The following PPFIBP1 variants were observed in gnomAD, a reference collection of about 807,000 sequenced individuals.
PPFIBP1 encodes the protein PPFIB scaffold protein 1.
PPFIBP1 carries 112 observed loss-of-function variants against 137.8 expected under a neutral mutation model. That is an observed-to-expected ratio of 0.81 (90% CI 0.70 to 0.95). The LOEUF is 0.95. PPFIBP1 is among the 40% of genes least tolerant of loss of function. The pLI, the probability that PPFIBP1 is intolerant of heterozygous loss-of-function variation, is 0.00. For missense variants in PPFIBP1, 1,083 were observed against 1,196.6 expected (o/e 0.91, Z 1.40); for synonymous variants, 378 against 417.3 (o/e 0.91, Z 1.15).
intron 7 of PPFIBP1, 105 bp from the exon 8 acceptor site, chr12:27,654,617 C>G (rs1191449523): frequency 1.4e-6 from 2 of 1,389,034 alleles, no homozygotes; most frequent in Non-Finnish European, 1.9e-6. Flanking sequence ...ACAACTTTAA[C>G]CCTAGGAGCT....
rs566190677 is a variant in PPFIBP1, at chr12:27,577,290, G to A, written c.-123-862G>A. Among the ~76,000 whole-genome samples, 8 of 151,440 alleles carry A rather than the reference G, an allele frequency of 5.3e-5. No homozygotes were observed. The South Asian group carries it at 1.7e-3, about 32-fold the overall frequency. ...TTGCAACCTTGGAGCTGATCCTTTT[G>A]CTTCCCTACTTGATTAAACATCTGG... On this transcript the variant is annotated intron_variant, in intron 1 of 29. Transcript: ENST00000228425.
chr12:27,568,811 C>A (rs1220568272), intron 1 of PPFIBP1, among the ~76,000 whole-genome samples: 1 of 152,178 alleles, frequency 6.6e-6, no homozygotes, highest in Admixed American at 6.5e-5. Context: ...GGGATTTTTA[C>A]TAAACTTTCT....
chr12:27,645,559 G>C (rs1033577321), intron 4 of PPFIBP1, among the ~76,000 whole-genome samples: 2 of 152,164 alleles, frequency 1.3e-5, no homozygotes, highest in East Asian at 3.8e-4. Context: ...CTCTGCCCTG[G>C]AATAGAAGGT....
chr12:27,552,814 G>A (rs1372806853), intron 1 of PPFIBP1: 2 of 152,224 alleles, frequency 1.3e-5, no homozygotes, highest in South Asian at 2.1e-4. Flanking sequence ...GGCATTTATA[G>A]CCAAGGAGCA....
intron 5 of PPFIBP1, 103 bp from the exon 6 acceptor site, chr12:27,647,626 G>T: frequency 2.9e-6 from 2 of 684,520 alleles, no homozygotes; most frequent in Non-Finnish European, 2.4e-6. Context: ...ATAACCGTAT[G>T]AATGGTAGGA....
intron 1 of PPFIBP1, among the ~76,000 whole-genome samples, chr12:27,569,964 AAATT>A (rs1397350532): frequency 2.0e-5 from 3 of 152,182 alleles, no homozygotes; most frequent in African/African-American, 7.2e-5. Flanking sequence ...TGACTTCCCC[AAATT>A]AATTAAACCA....
Position 27,596,888 on chromosome 12 carries a change from A to G in PPFIBP1, c.-36+18649A>G, listed in dbSNP as rs2053373958. Reference sequence around the variant, plus strand: ...ATAAACCCAGAACCTAGATTCAAACATAGCCAGATTCAAACATAGGTAGTC... The same window carrying G: ...ATAAACCCAGAACCTAGATTCAAACGTAGCCAGATTCAAACATAGGTAGTC... On this transcript the variant is annotated intron_variant, in intron 2 of 29. Coordinates refer to ENST00000228425, the MANE Select transcript of PPFIBP1 (RefSeq NM_003622.4). Among the ~76,000 whole-genome samples the G allele has an allele frequency of 2.6e-5, 4 of 152,212 alleles. No individual in the cohort carries two copies. The South Asian group carries it at 8.3e-4, about 31-fold the overall frequency.
At chr12:27,547,129 T>A (rs1314136280) in intron 1 of PPFIBP1, 1 of 152,280 alleles carries the variant, frequency 6.6e-6, no homozygotes, top group Non-Finnish European at 1.5e-5. Flanking sequence ...TTTGAGGTTA[T>A]AAAGTAAATA....
chr12:27,604,991 G>C (rs1388948221), intron 2 of PPFIBP1, among the ~76,000 whole-genome samples: 1 of 152,102 alleles, frequency 6.6e-6, no homozygotes, highest in East Asian at 1.9e-4. Context: ...ACTATCACAA[G>C]AACAGCATGG....
intron 1 of PPFIBP1, chr12:27,552,544 T>C (rs1352669113): frequency 6.6e-6 from 1 of 152,232 alleles, no homozygotes; most frequent in East Asian, 1.9e-4. Context: ...AAAATTGTAC[T>C]CACTGTTATG....
chr12:27,537,160 C>G (rs907943392), intron 1 of PPFIBP1, among the ~76,000 whole-genome samples: 2 of 151,920 alleles, frequency 1.3e-5, no homozygotes, highest in Non-Finnish European at 2.9e-5. Context: ...GAGACGGAGT[C>G]TCTCACGGTC....
At chr12:27,626,043 T>C (rs950507661) in intron 2 of PPFIBP1, among the ~76,000 whole-genome samples, 5 of 152,134 alleles carry the variant, frequency 3.3e-5, no homozygotes, top group African/African-American at 1.2e-4. Flanking sequence ...CCCTACCTTT[T>C]CTGGTTTCGC....
intron 27 of PPFIBP1, among the ~76,000 whole-genome samples, chr12:27,691,239 G>C (rs1455395500): frequency 2.0e-5 from 3 of 151,230 alleles, no homozygotes; most frequent in Non-Finnish European, 1.5e-5. Flanking sequence ...TTGCAAAATT[G>C]GATTCAGCTG....
rs770259746 is a variant in PPFIBP1 at position 27,688,412 on chromosome 12, G to T, written c.2485G>T (p.Gly829Cys). 6.2e-7 allele frequency: 1 copy of T among 1,614,016 alleles called. No individual in the cohort carries two copies. The highest frequency in any genetic ancestry group is 8.5e-7 in the Non-Finnish European group (1 of 1,179,990). The part of the protein sequence containing the change: ...APNLRGSGVH[G>C]GLMVLEPRFN... ...CAATCTCAGAGGCAGTGGTGTCCATGGTGGGCTCATGGTAAAGCTCTGATT... is the reference window on the plus strand; with the variant it reads ...CAATCTCAGAGGCAGTGGTGTCCATTGTGGGCTCATGGTAAAGCTCTGATT... The change falls in exon 26 of 30, where the codon GGT (glycine) becomes TGT (cysteine). Residue 829 changes from glycine to cysteine, a missense_variant. By Grantham distance (159) the Gly-to-Cys change is radical (BLOSUM62 -3). Coordinates refer to ENST00000228425, the MANE Select transcript of PPFIBP1 (RefSeq NM_003622.4).
chr12:27,681,804 C>T (rs2060891534), intron 22 of PPFIBP1, 108 bp downstream of exon 22: 1 of 1,295,400 alleles, frequency 7.7e-7, no homozygotes, highest in South Asian at 1.6e-5. Context: ...CCAGTAAAAA[C>T]TCTGTAAACA....
intron 4 of PPFIBP1, among the ~76,000 whole-genome samples, chr12:27,639,552 A>G (rs1234963820): frequency 6.6e-6 from 1 of 152,204 alleles, no homozygotes; most frequent in African/African-American, 2.4e-5. Context: ...TTATGAGGCC[A>G]TCTCAAAGTC....
intron 1 of PPFIBP1, among the ~76,000 whole-genome samples, chr12:27,544,859 T>G (rs1013859009): frequency 1.3e-5 from 2 of 152,174 alleles, no homozygotes; most frequent in African/African-American, 4.8e-5. Flanking sequence ...AGAAATACCA[T>G]TTGACCCAGC....
chr12:27,622,627 A>C (rs1388614989), intron 2 of PPFIBP1, among the ~76,000 whole-genome samples: 2 of 152,224 alleles, frequency 1.3e-5, no homozygotes. Context: ...ACACCTGTGC[A>C]GACACACACA....
At chr12:27,570,446 T>C (rs2050045235) in intron 1 of PPFIBP1, among the ~76,000 whole-genome samples, 1 of 152,228 alleles carries the variant, frequency 6.6e-6, no homozygotes, top group Non-Finnish European at 1.5e-5. Context: ...TTCTACCCTC[T>C]AAGTCATCTT....
Sources: allele counts gnomAD v4.1 joint callset (sites outside exome capture counted in the v4.1 genomes callset), GRCh38; gene constraint gnomAD v4.1.1; transcripts MANE v1.5; gene names NCBI Gene and HGNC (gene_info 2026-07-23, HGNC 2026-07-21).